The following COG5 variants were observed in gnomAD, a reference collection of about 807,000 sequenced individuals.
The protein encoded by COG5 is conserved oligomeric Golgi complex subunit 5.
Under a neutral mutation model 110.4 loss-of-function variants are expected in COG5, and 86 were observed. The observed-to-expected ratio is 0.78, with a 90% CI of 0.65 to 0.93. The LOEUF is 0.93. COG5 is among the 40% of genes least tolerant of loss of function. The pLI, the probability that COG5 is intolerant of heterozygous loss-of-function variation, is 0.00. For synonymous variants in COG5, 360 were observed against 334.6 expected (o/e 1.08, Z -0.83); for missense variants, 1,077 against 987.0 (o/e 1.09, Z -1.22).
chr7:107,532,094 T>C (rs992303910), intron 5 of COG5, among the ~76,000 whole-genome samples: 2 of 152,216 alleles, frequency 1.3e-5, no homozygotes, highest in African/African-American at 4.8e-5. Flanking sequence ...TTCGCTTTTG[T>C]CGCCCAGGCT....
intron 11 of COG5, among the ~76,000 whole-genome samples, chr7:107,322,392 G>A (rs1809382002): frequency 6.6e-6 from 1 of 152,186 alleles, no homozygotes; most frequent in Admixed American, 6.5e-5. Context: ...TGTTGGACTT[G>A]CCATTTCTCC....
In COG5 at chr7:107,541,523, A is replaced by AAATAT. The variant is rs60423657; in HGVS notation, c.417+6587_417+6588insATATT. Among the ~76,000 whole-genome samples the AAATAT allele has an allele frequency of 2.1e-4, 12 of 57,018 alleles. 1 individual carries two copies. Among genetic ancestry groups the AAATAT allele is most frequent in the African/African-American group, 4.7e-4 (7 of 14,964 alleles). 37.4% of individuals were successfully genotyped at this position (57,018 alleles called of 152,430 possible). A position where few individuals can be genotyped will look rare whatever the true frequency, so the allele number is the denominator to read the frequency against. On this transcript the variant is annotated intron_variant, in intron 5 of 21. Coordinates refer to ENST00000297135, the MANE Select transcript of COG5 (RefSeq NM_006348.5). ...AAAAAAAAAAAAAAAAAAAAAAAAAAATATATATATATATATATATGTATT... is the reference window on the plus strand; with the variant it reads ...AAAAAAAAAAAAAAAAAAAAAAAAAAAATATATATATATATATATATATATGTATT...
intron 14 of COG5, among the ~76,000 whole-genome samples, chr7:107,263,952 GACA>G (rs1803585881): frequency 6.6e-6 from 1 of 152,174 alleles, no homozygotes; most frequent in Non-Finnish European, 1.5e-5. Flanking sequence ...TGAGTTGGAT[GACA>G]ACTTTAAGTT....
intron 8 of COG5, 116 bp downstream of exon 8, chr7:107,372,479 T>C: frequency 1.0e-6 from 1 of 964,274 alleles, no homozygotes; most frequent in Non-Finnish European, 1.6e-6. Context: ...TCTCATTTTC[T>C]GTCTACTAAA....
At chr7:107,447,636 C>T (rs529702309) in intron 6 of COG5, among the ~76,000 whole-genome samples, 1 of 152,282 alleles carries the variant, frequency 6.6e-6, no homozygotes, top group South Asian at 2.1e-4. Context: ...ATTTTTCATA[C>T]AGTATCTCAT....
At chr7:107,434,973 A>G (rs1563033195) in intron 6 of COG5, among the ~76,000 whole-genome samples, 1 of 151,966 alleles carries the variant, frequency 6.6e-6, no homozygotes, top group Non-Finnish European at 1.5e-5. Context: ...CCGTCTTAAA[A>G]AAAAAAAAAA....
chr7:107,442,965 G>T (rs1400181109), intron 6 of COG5, among the ~76,000 whole-genome samples: 1 of 152,078 alleles, frequency 6.6e-6, no homozygotes, highest in Non-Finnish European at 1.5e-5. Flanking sequence ...TTTAAAAGAT[G>T]CAACATCAAG....
intron 6 of COG5, among the ~76,000 whole-genome samples, chr7:107,453,591 C>T (rs541459925): frequency 2.8e-4 from 42 of 152,264 alleles, no homozygotes; most frequent in African/African-American, 9.9e-4. Flanking sequence ...CAATTTCCCT[C>T]AGATTACATC....
intron 7 of COG5, among the ~76,000 whole-genome samples, chr7:107,406,899 A>G (rs1187280842): frequency 1.3e-5 from 2 of 152,228 alleles, no homozygotes; most frequent in Non-Finnish European, 2.9e-5. Flanking sequence ...TTAGATTAAT[A>G]CAAAAGGCTT....
At chr7:107,292,076 AC>A (rs1438907548) in intron 12 of COG5, among the ~76,000 whole-genome samples, 2 of 151,616 alleles carry the variant, frequency 1.3e-5, no homozygotes, top group Non-Finnish European at 2.9e-5. Flanking sequence ...TTGCTCTGTC[AC>A]CTAAGCTGGA....
chr7:107,278,488 T>C (rs1465024962), intron 14 of COG5, among the ~76,000 whole-genome samples: 2 of 152,142 alleles, frequency 1.3e-5, no homozygotes, highest in Non-Finnish European at 2.9e-5. Flanking sequence ...TTCTCATTGG[T>C]CAACTCCCAC....
chr7:107,481,344 T>C (rs2129120372), intron 6 of COG5, among the ~76,000 whole-genome samples: 1 of 152,274 alleles, frequency 6.6e-6, no homozygotes, highest in South Asian at 2.1e-4. Context: ...CACATAATAC[T>C]CATAAGATTT....
At position 107,325,160 on chromosome 7, in the gene COG5, T is replaced by C. The variant is rs573971059; in HGVS notation, c.1027-639A>G. On this transcript the variant is annotated intron_variant, in intron 10 of 21. Coordinates refer to ENST00000297135, the MANE Select transcript of COG5 (RefSeq NM_006348.5). Reference sequence around the variant, plus strand: ...TATATGTTTTAAAAAGTAAGCACTATAAAGAAAAGACAAATATTAATTAAA... The same window carrying C: ...TATATGTTTTAAAAAGTAAGCACTACAAAGAAAAGACAAATATTAATTAAA... 2.0e-3 allele frequency among the ~76,000 whole-genome samples: 305 copies of C among 152,234 alleles called. 2 individuals are homozygous for C. The highest frequency in any genetic ancestry group is 6.9e-3 in the African/African-American group (287 of 41,552).
intron 19 of COG5, among the ~76,000 whole-genome samples, chr7:107,229,838 G>T (rs1368618856): frequency 4.9e-5 from 7 of 141,780 alleles, no homozygotes; most frequent in Non-Finnish European, 6.3e-5. Context: ...TTTTTTTTTT[G>T]GTTTTTGTTT....
chr7:107,504,395 T>C (rs1798832651), intron 6 of COG5, among the ~76,000 whole-genome samples: 1 of 152,188 alleles, frequency 6.6e-6, no homozygotes. Flanking sequence ...TGGATTTGGT[T>C]AGTTAGTATT....
At chr7:107,482,309 AT>A (rs1797402769) in intron 6 of COG5, among the ~76,000 whole-genome samples, 1 of 151,460 alleles carries the variant, frequency 6.6e-6, no homozygotes, top group Non-Finnish European at 1.5e-5. Flanking sequence ...TACCCAGCTA[AT>A]TAAAAAAAAA....
At chr7:107,380,918 C>T (rs1431140917) in intron 7 of COG5, among the ~76,000 whole-genome samples, 1 of 152,102 alleles carries the variant, frequency 6.6e-6, no homozygotes, top group Non-Finnish European at 1.5e-5. Flanking sequence ...CAATAAAATA[C>T]TGGCAAACCA....
chr7:107,527,385 G>C (rs1367039567), intron 5 of COG5, 28 bp from the exon 6 acceptor site: 1 of 1,610,818 alleles, frequency 6.2e-7, no homozygotes, highest in Non-Finnish European at 8.5e-7. Context: ...TGTTAAGTTA[G>C]TTGATCCATG....
chr7:107,365,876 C>T (rs759356615), intron 8 of COG5, among the ~76,000 whole-genome samples: 2 of 152,038 alleles, frequency 1.3e-5, no homozygotes, highest in Non-Finnish European at 2.9e-5. Context: ...TTATTGTAGA[C>T]AACAAACCTA....
Sources: gnomAD v4.1 joint callset for allele counts (sites outside exome capture counted in the v4.1 genomes callset) on GRCh38, gnomAD v4.1.1 for gene constraint, MANE v1.5 for transcripts, NCBI Gene and HGNC (gene_info 2026-07-23, HGNC 2026-07-21) for gene names.